PDZD8: variants seen among roughly 807,000 people sequenced by gnomAD.
The protein encoded by PDZD8 is PDZ domain containing 8.
PDZD8 carries 14 observed loss-of-function variants against 85.8 expected under a neutral mutation model. That is an observed-to-expected ratio of 0.16 (90% confidence interval 0.11 to 0.26). The LOEUF (loss-of-function observed/expected upper bound fraction) is 0.26, where lower values mean the gene tolerates loss of function less well. PDZD8 is among the 10% of genes least tolerant of loss of function. PDZD8 has a pLI of 1.00. For synonymous variants in PDZD8, 592 were observed against 568.6 expected (o/e 1.04, Z -0.59); for missense variants, 1,197 against 1,424.3 (o/e 0.84, Z 2.57).
intron 2 of PDZD8, among the ~76,000 whole-genome samples, chr10:117,333,125 A>AAC (rs1300095435): frequency 2.1e-5 from 3 of 144,820 alleles, no homozygotes; most frequent in South Asian, 2.2e-4. Context: ...CTCAAAAAAA[A>AAC]AAAAAAAAAA....
chr10:117,287,080 C>G (rs949230029), intron 4 of PDZD8, among the ~76,000 whole-genome samples: 2 of 152,186 alleles, frequency 1.3e-5, no homozygotes, highest in African/African-American at 4.8e-5. Flanking sequence ...TCCCTACCAT[C>G]ATTTTTAGTA....
At chr10:117,326,277 C>A (rs2133821833) in intron 2 of PDZD8, among the ~76,000 whole-genome samples, 1 of 152,272 alleles carries the variant, frequency 6.6e-6, no homozygotes, top group African/African-American at 2.4e-5. Context: ...TGAAGCTAGA[C>A]AAATCAATAT....
At chr10:117,331,481 G>A (rs1189282411) in intron 2 of PDZD8, among the ~76,000 whole-genome samples, 3 of 152,102 alleles carry the variant, frequency 2.0e-5, no homozygotes, top group Non-Finnish European at 1.5e-5. Flanking sequence ...AATTTTGAAA[G>A]AGAGAAAATA....
intron 1 of PDZD8, among the ~76,000 whole-genome samples, chr10:117,353,820 C>T (rs1343334129): frequency 6.6e-6 from 1 of 151,912 alleles, no homozygotes; most frequent in East Asian, 1.9e-4. Flanking sequence ...GTGAAGTATT[C>T]CAAAATGGAG....
rs1844587003 is a variant in PDZD8 at position 117,282,448 on chromosome 10, G to T, written c.*820C>A. On this transcript the variant is annotated 3_prime_UTR_variant, in exon 5 of 5. Transcript: ENST00000334464. ...AAAAGATTATATTTCAAAATGCTAT[G>T]TTACTGTTTTTCAGTAATTAAGTCT... 1 of 152,086 alleles carries T rather than the reference G, an allele frequency of 6.6e-6. No individual in the cohort carries two copies. The highest frequency in any genetic ancestry group is 2.4e-5 in the African/African-American group (1 of 41,406). 9.4% of individuals were successfully genotyped at this position (152,086 alleles called of 1,614,324 possible).
chr10:117,285,707 A>T, intron 4 of PDZD8: 1 of 1,192,338 alleles, frequency 8.4e-7, no homozygotes, highest in Non-Finnish European at 1.0e-6. Flanking sequence ...TTCAAACCAG[A>T]TGATGACACA....
chr10:117,318,771 C>A, intron 3 of PDZD8, 101 bp downstream of exon 3: 1 of 798,996 alleles, frequency 1.3e-6, no homozygotes, highest in South Asian at 1.7e-5. Flanking sequence ...TAGCTATTTG[C>A]ACATGACCAA....
At chr10:117,293,758 G>T (rs939563056) in intron 3 of PDZD8, among the ~76,000 whole-genome samples, 2 of 152,054 alleles carry the variant, frequency 1.3e-5, no homozygotes, top group Admixed American at 6.6e-5. Context: ...CTCAACAATG[G>T]CAAAATACAT....
chr10:117,340,897 A>C (rs1483955327), intron 2 of PDZD8, 83 bp downstream of exon 2: 1 of 1,448,780 alleles, frequency 6.9e-7, no homozygotes, highest in Admixed American at 2.1e-5. Context: ...ATTTAAATGA[A>C]CACACAACAC....
At chr10:117,341,204 C>T in intron 1 of PDZD8, 102 bp from the exon 2 acceptor site, 1 of 1,238,296 alleles carries the variant, frequency 8.1e-7, no homozygotes, top group East Asian at 2.5e-5. Context: ...AAATGAACAC[C>T]TAATACTACA....
Position 117,355,557 on chromosome 10 carries a change from C to T in PDZD8, c.873-14455G>A, listed in dbSNP as rs1011632141. On this transcript the variant is annotated intron_variant, in intron 1 of 4. Coordinates refer to ENST00000334464, the MANE Select transcript of PDZD8 (RefSeq NM_173791.5). ...GGCTTGGAATCCTATTGTGTCACTT[C>T]CCAGCAATATAACCTTGAGCAAACT... 2.0e-5 allele frequency among the ~76,000 whole-genome samples: 3 copies of T among 152,158 alleles called. No individual in the cohort carries two copies. The East Asian group carries it at 5.8e-4, about 29-fold the overall frequency.
intron 2 of PDZD8, among the ~76,000 whole-genome samples, chr10:117,320,145 T>G (rs1241844829): frequency 6.6e-6 from 1 of 152,150 alleles, no homozygotes; most frequent in Non-Finnish European, 1.5e-5. Flanking sequence ...TTAAACTTAG[T>G]GCTTAACAAC....
intron 4 of PDZD8, among the ~76,000 whole-genome samples, chr10:117,287,024 G>T (rs751523701): frequency 1.9e-4 from 29 of 152,048 alleles, no homozygotes; most frequent in Non-Finnish European, 3.5e-4. Flanking sequence ...CTCTGTGCAT[G>T]CTATCACCTT....
chr10:117,313,850 GTC>G (rs1844079909), intron 3 of PDZD8, among the ~76,000 whole-genome samples: 1 of 152,070 alleles, frequency 6.6e-6, no homozygotes. Flanking sequence ...AAGCCAGACT[GTC>G]TCTGAATCAG....
At chr10:117,354,842 T>C (rs1844866031) in intron 1 of PDZD8, among the ~76,000 whole-genome samples, 1 of 152,218 alleles carries the variant, frequency 6.6e-6, no homozygotes, top group Non-Finnish European at 1.5e-5. Context: ...TGAGTGATCA[T>C]TTTAAAAATG....
chr10:117,303,539 A>G (rs1429959051), intron 3 of PDZD8, among the ~76,000 whole-genome samples: 1 of 152,250 alleles, frequency 6.6e-6, no homozygotes, highest in Non-Finnish European at 1.5e-5. Flanking sequence ...AAATTTGCAT[A>G]AGTAGCAAGG....
intron 1 of PDZD8, among the ~76,000 whole-genome samples, chr10:117,364,762 T>C (rs1845059579): frequency 6.6e-6 from 1 of 151,960 alleles, no homozygotes; most frequent in African/African-American, 2.4e-5. Flanking sequence ...GCAGAGAGAA[T>C]GGCTGAGAGT....
chr10:117,336,745 C>T (rs1003522453), intron 2 of PDZD8, among the ~76,000 whole-genome samples: 3 of 151,828 alleles, frequency 2.0e-5, no homozygotes, highest in Admixed American at 2.0e-4. Flanking sequence ...TAATTAAGGA[C>T]AGTAAAGAAT....
intron 3 of PDZD8, among the ~76,000 whole-genome samples, chr10:117,317,109 A>G (rs1476215872): frequency 6.6e-6 from 1 of 152,226 alleles, no homozygotes; most frequent in Non-Finnish European, 1.5e-5. Flanking sequence ...CTCAAGGCAC[A>G]TTAAAAGTAT....
Sources: gnomAD v4.1 joint callset for allele counts (sites outside exome capture counted in the v4.1 genomes callset) on GRCh38, gnomAD v4.1.1 for gene constraint, MANE v1.5 for transcripts, NCBI Gene and HGNC (gene_info 2026-07-23, HGNC 2026-07-21) for gene names.